The following GPC6 variants were observed in gnomAD, a reference collection of about 807,000 sequenced individuals.
GPC6 encodes the protein glypican-6.
A neutral mutation model predicts 55.2 loss-of-function variants in GPC6; 14 were observed. The observed-to-expected ratio is 0.25, with a 90% CI of 0.17 to 0.40. The LOEUF is 0.40. Among genes scored for constraint, GPC6 ranks in the 10% least tolerant of loss-of-function variants. The probability of loss-of-function intolerance (pLI) is 1.00; values close to 1 mark genes in which losing one functional copy is unlikely to be tolerated. For missense variants in GPC6, 641 were observed against 708.5 expected (o/e 0.90, Z 1.08); for synonymous variants, 278 against 259.6 (o/e 1.07, Z -0.68).
chr13:94,175,640 G>A (rs1888720753), intron 4 of GPC6, among the ~76,000 whole-genome samples: 1 of 151,912 alleles, frequency 6.6e-6, no homozygotes, highest in Admixed American at 6.6e-5. Flanking sequence ...TGAGAGTCTA[G>A]ATGTACTGCT....
At chr13:93,673,625 T>A (rs1881463426) in intron 2 of GPC6, among the ~76,000 whole-genome samples, 2 of 152,152 alleles carry the variant, frequency 1.3e-5, no homozygotes, top group South Asian at 4.1e-4. Context: ...ACCATTATTA[T>A]TATTCTTTCC....
At position 94,111,789 on chromosome 13, in the gene GPC6, A is replaced by G. The variant is rs80180092; in HGVS notation, c.877+83895A>G. Among the ~76,000 whole-genome samples, 739 of 152,250 alleles carry G rather than the reference A, an allele frequency of 4.9e-3. 3 individuals carry two copies. The highest frequency in any genetic ancestry group is 0.011 in the South Asian group (54 of 4,826). ...ACTCCCAGAAGCTGGCCCAGGGTCC[A>G]GGATAGAATGGGTATTCAGTAATTG... On this transcript the variant is annotated intron_variant, in intron 4 of 8. Coordinates refer to ENST00000377047, the MANE Select transcript of GPC6 (RefSeq NM_005708.5).
chr13:93,279,742 G>A (rs1362862451), intron 1 of GPC6, among the ~76,000 whole-genome samples: 1 of 152,208 alleles, frequency 6.6e-6, no homozygotes, highest in Non-Finnish European at 1.5e-5. Context: ...CTACTTACTA[G>A]TGTGGACAGA....
At chr13:93,825,860 C>CTTTTTTTTTTTTTTTTTTTTTTTTCT (rs1029574657) in intron 2 of GPC6, among the ~76,000 whole-genome samples, 1 of 124,184 alleles carries the variant, frequency 8.1e-6, no homozygotes, top group Non-Finnish European at 1.7e-5. Context: ...TTATTATTTT[C>CTTTTTTTTTTTTTTTTTTTTTTTTCT]TTTTTTTTTT....
chr13:93,938,081 C>A (rs1413287805), intron 3 of GPC6, among the ~76,000 whole-genome samples: 1 of 151,006 alleles, frequency 6.6e-6, no homozygotes, highest in Non-Finnish European at 1.5e-5. Context: ...ATATTGGGAG[C>A]AACTCTTTAA....
At chr13:93,631,042 G>A (rs779771018) in intron 2 of GPC6, among the ~76,000 whole-genome samples, 9 of 152,216 alleles carry the variant, frequency 5.9e-5, no homozygotes, top group Non-Finnish European at 1.3e-4. Context: ...GTTACACGGA[G>A]AGGTGGCTGT....
At chr13:93,372,489 C>T (rs191398434) in intron 1 of GPC6, among the ~76,000 whole-genome samples, 4 of 152,268 alleles carry the variant, frequency 2.6e-5, no homozygotes, top group Admixed American at 2.6e-4. Flanking sequence ...TAATTCACTG[C>T]CATCTAACCT....
intron 1 of GPC6, among the ~76,000 whole-genome samples, chr13:93,228,167 G>T (rs1473318797): frequency 6.6e-6 from 1 of 152,166 alleles, no homozygotes; most frequent in African/African-American, 2.4e-5. Flanking sequence ...CGGGCCGGGG[G>T]CGGGCAAGGC....
rs190161607 is a variant in GPC6, at chr13:93,421,203, A to G, written c.161-124060A>G. On this transcript the variant is annotated intron_variant, in intron 1 of 8. Coordinates refer to ENST00000377047, the MANE Select transcript of GPC6 (RefSeq NM_005708.5). ...GGCAAATGGGCATGGAGAGAGAGAA[A>G]GAGATAAAGATTGAAGAGGAGTTTA... Among the ~76,000 whole-genome samples the G allele has an allele frequency of 7.2e-4, 109 of 152,172 alleles. 1 individual carries two copies. Among genetic ancestry groups the G allele is most frequent in the African/African-American group, 2.5e-3 (102 of 41,518 alleles).
chr13:93,803,996 T>C (rs1011606293), intron 2 of GPC6, among the ~76,000 whole-genome samples: 2 of 152,164 alleles, frequency 1.3e-5, no homozygotes, highest in African/African-American at 4.8e-5. Context: ...GTTGTGATGG[T>C]TGCACATCCT....
intron 1 of GPC6, among the ~76,000 whole-genome samples, chr13:93,449,854 A>G (rs1878158998): frequency 6.6e-6 from 1 of 151,496 alleles, no homozygotes; most frequent in Non-Finnish European, 1.5e-5. Context: ...TAAAAATTGC[A>G]GAGTAGATCC....
chr13:93,765,362 T>A (rs1472269079), intron 2 of GPC6, among the ~76,000 whole-genome samples: 1 of 63,130 alleles, frequency 1.6e-5, no homozygotes, highest in African/African-American at 5.0e-5. Context: ...CAACCAGATG[T>A]TACAGTTGAT....
chr13:93,468,913 GT>G (rs1879010854), intron 1 of GPC6, among the ~76,000 whole-genome samples: 1 of 152,092 alleles, frequency 6.6e-6, no homozygotes, highest in Non-Finnish European at 1.5e-5. Context: ...TAGACTGTGG[GT>G]TTTTTGTTTG....
rs1251225383 is a variant in GPC6 at position 93,898,966 on chromosome 13, T to TATATATAC, written c.711+68422_711+68423insTATATACA. 4.4e-5 allele frequency among the ~76,000 whole-genome samples: 6 copies of TATATATAC among 137,094 alleles called. No individual in the cohort carries two copies. The East Asian group carries it at 6.1e-4, about 14-fold the overall frequency. The allele number at this position is 137,094 out of a possible 152,430, so 89.9% of individuals were successfully genotyped here. A position where few individuals can be genotyped will look rare whatever the true frequency, so the allele number is the denominator to read the frequency against. Reference sequence around the variant, plus strand: ...ATATATATATATATATATATATATATACACACACATATATATACATACATC... The same window carrying TATATATAC: ...ATATATATATATATATATATATATATATATATACACACACACATATATATACATACATC... On this transcript the variant is annotated intron_variant, in intron 3 of 8. Coordinates refer to ENST00000377047, the MANE Select transcript of GPC6 (RefSeq NM_005708.5).
At chr13:93,655,003 A>ATTTTTTTTTTTT (rs3884231) in intron 2 of GPC6, among the ~76,000 whole-genome samples, 469 of 104,396 alleles carry the variant, frequency 4.5e-3, no homozygotes, top group Middle Eastern at 5.7e-3. Flanking sequence ...TGCCCGGCTA[A>ATTTTTTTTTTTT]TTTTTTTTTT....
chr13:94,001,446 A>G (rs1881795887), intron 3 of GPC6, among the ~76,000 whole-genome samples: 1 of 152,208 alleles, frequency 6.6e-6, no homozygotes, highest in Admixed American at 6.5e-5. Flanking sequence ...AAAATAAATG[A>G]TAGGTAAATT....
At chr13:94,012,279 C>T (rs1300203226) in intron 3 of GPC6, among the ~76,000 whole-genome samples, 1 of 152,068 alleles carries the variant, frequency 6.6e-6, no homozygotes, top group Non-Finnish European at 1.5e-5. Context: ...TTCTTTGAGG[C>T]TTTTCAGAAA....
chr13:94,132,086 G>A (rs527389779), intron 4 of GPC6, among the ~76,000 whole-genome samples: 2 of 152,070 alleles, frequency 1.3e-5, no homozygotes, highest in African/African-American at 4.8e-5. Context: ...GAGAACACTG[G>A]TGGAGAAAGG....
chr13:93,611,005 C>T (rs1235007082), intron 2 of GPC6, among the ~76,000 whole-genome samples: 3 of 152,084 alleles, frequency 2.0e-5, no homozygotes, highest in Non-Finnish European at 4.4e-5. Flanking sequence ...GCACAAAAGT[C>T]CATATTTTAT....
Sources: allele counts gnomAD v4.1 joint callset (sites outside exome capture counted in the v4.1 genomes callset), GRCh38; gene constraint gnomAD v4.1.1; transcripts MANE v1.5; gene names NCBI Gene and HGNC (gene_info 2026-07-23, HGNC 2026-07-21).